MYL1: variants seen among roughly 807,000 people sequenced by gnomAD.
MYL1 encodes the protein myosin light chain 1/3, skeletal muscle isoform.
MYL1 carries 16 observed loss-of-function variants against 21.8 expected under a neutral mutation model. That is an observed-to-expected ratio of 0.74 (90% CI 0.50 to 1.12). MYL1 has a LOEUF of 1.12. Ranked by LOEUF, MYL1 falls within the 50% of genes most tolerant of loss-of-function variation. MYL1 has a pLI of 0.00. For synonymous variants in MYL1, 99 were observed against 85.2 expected (o/e 1.16, Z -0.89); for missense variants, 246 against 241.0 (o/e 1.02, Z -0.14).
rs36073440 is a variant in MYL1, at chr2:210,296,991, T to TTGTGTGTGTG, written c.304+1419_304+1428dup. Among the ~76,000 whole-genome samples the TTGTGTGTGTG allele has an allele frequency of 8.3e-4, 119 of 143,244 alleles. 1 individual carries two copies. In the East Asian group the frequency reaches 0.015, roughly 18 times the overall value. 94.0% of individuals were successfully genotyped at this position (143,244 alleles called of 152,430 possible). A position where few individuals can be genotyped will look rare whatever the true frequency, so the allele number is the denominator to read the frequency against. Reference sequence around the variant, plus strand: ...TTTTTTATGGTTAAATAGTATTCCATTGTGTGTGTGTGTGTGTGTGTGTGT... The same window carrying TTGTGTGTGTG: ...TTTTTTATGGTTAAATAGTATTCCATTGTGTGTGTGTGTGTGTGTGTGTGTGTGTGTGTGT... On this transcript the variant is annotated intron_variant, in intron 3 of 6. Coordinates refer to ENST00000352451, the MANE Select transcript of MYL1 (RefSeq NM_079420.3).
In MYL1 at chr2:210,298,565, T is replaced by G; in HGVS notation, c.161-2A>C. The G allele has an allele frequency of 6.2e-7, 1 of 1,613,876 alleles. No individual in the cohort carries two copies. The highest frequency in any genetic ancestry group is 1.1e-5 in the South Asian group (1 of 91,086). On this transcript the variant is annotated splice_acceptor_variant, in intron 2 of 6. Coordinates refer to ENST00000352451, the MANE Select transcript of MYL1 (RefSeq NM_079420.3). LOFTEE classifies it high-confidence loss of function. ...ACAGGAGAAATGCCTCCTTGAATTC[T>G]GCAAAAAGCAAGAAGCATTAGAGTG... is the stretch of plus-strand genomic sequence containing the variant.
intron 1 of MYL1, among the ~76,000 whole-genome samples, chr2:210,305,322 T>C (rs1177682917): frequency 6.6e-6 from 1 of 152,168 alleles, no homozygotes; most frequent in Non-Finnish European, 1.5e-5. Context: ...CGTAAATAGC[T>C]TGACATTTTG....
chr2:210,301,538 T>C (rs891832642), intron 2 of MYL1, among the ~76,000 whole-genome samples: 1 of 152,056 alleles, frequency 6.6e-6, no homozygotes, highest in South Asian at 2.1e-4. Context: ...AATATAGACA[T>C]ACTACTTATG....
chr2:210,306,720 CT>C (rs747993827), intron 1 of MYL1, among the ~76,000 whole-genome samples: 3,158 of 142,758 alleles, frequency 0.022, 86 homozygotes, highest in African/African-American at 0.066. Flanking sequence ...CTCTGGCACA[CT>C]TTTTTTTTTT....
Position 210,302,521 on chromosome 2 carries a change from A to T in MYL1, c.133-6T>A. 1 of 1,609,530 alleles carries T rather than the reference A, an allele frequency of 6.2e-7. No individual in the cohort carries two copies. The highest frequency in any genetic ancestry group is 8.5e-7 in the Non-Finnish European group (1 of 1,178,706). On this transcript the variant is annotated splice_region_variant and splice_polypyrimidine_tract_variant and intron_variant, in intron 1 of 6. Transcript: ENST00000352451. ...TGTTCCTTAGAGAACTCGATCTGTT[A>T]GAAAGAAATTGACCACAAAGAATGT... is the stretch of plus-strand genomic sequence containing the variant.
chr2:210,298,587 A>C (rs1373306733), intron 2 of MYL1, 24 bp from the exon 3 acceptor site: 3 of 1,613,358 alleles, frequency 1.9e-6, no homozygotes, highest in South Asian at 2.2e-5. Flanking sequence ...GAAGCATTAG[A>C]GTGCTCTTTT....
intron 3 of MYL1, among the ~76,000 whole-genome samples, chr2:210,296,450 C>T (rs888444771): frequency 1.3e-5 from 2 of 152,020 alleles, no homozygotes; most frequent in South Asian, 2.1e-4. Context: ...CTCCTCTCTT[C>T]GTTAAAGATA....
In MYL1 at chr2:210,293,715, G is replaced by T. The variant is rs1186240325; in HGVS notation, c.556+8C>A. The T allele has an allele frequency of 6.2e-7, 1 of 1,613,286 alleles. No individual in the cohort carries two copies. Reference sequence around the variant, plus strand: ...GTTGCTGTAACCACCAGTGAGCATTGATTCTACCTTCGTAGTTGATGCAGC... The same window carrying T: ...GTTGCTGTAACCACCAGTGAGCATTTATTCTACCTTCGTAGTTGATGCAGC... On this transcript the variant is annotated splice_region_variant and intron_variant, in intron 5 of 6. Transcript: ENST00000352451.
At chr2:210,298,687 T>G in intron 2 of MYL1, 124 bp from the exon 3 acceptor site, 1 of 1,021,824 alleles carries the variant, frequency 9.8e-7, no homozygotes, top group Non-Finnish European at 1.4e-6. Flanking sequence ...ATGCAAGTTG[T>G]TATCCTGGAT....
At chr2:210,302,609 A>C in intron 1 of MYL1, 94 bp from the exon 2 acceptor site, 1 of 1,517,068 alleles carries the variant, frequency 6.6e-7, no homozygotes, top group Middle Eastern at 1.7e-4. Flanking sequence ...AGTAATCTTC[A>C]AAGTAAGCTC....
At chr2:210,304,200 A>G (rs1446067936) in intron 1 of MYL1, among the ~76,000 whole-genome samples, 1 of 152,200 alleles carries the variant, frequency 6.6e-6, no homozygotes, top group Non-Finnish European at 1.5e-5. Flanking sequence ...TTTTGCAAGC[A>G]TAATCTAAGC....
chr2:210,303,454 C>A, intron 1 of MYL1: 1 of 1,272,914 alleles, frequency 7.9e-7, no homozygotes, highest in Non-Finnish European at 1.1e-6. Flanking sequence ...TCCTCAGTTC[C>A]ATTTTTGCCT....
chr2:210,306,069 A>T (rs1276306394), intron 1 of MYL1, among the ~76,000 whole-genome samples: 1 of 107,146 alleles, frequency 9.3e-6, no homozygotes, highest in Admixed American at 1.0e-4. Flanking sequence ...ACAAAAAAAA[A>T]ATAAATTAAA....
At chr2:210,300,154 C>A (rs1384004134) in intron 2 of MYL1, among the ~76,000 whole-genome samples, 2 of 152,080 alleles carry the variant, frequency 1.3e-5, no homozygotes, top group Non-Finnish European at 2.9e-5. Context: ...TGGCTTCAGG[C>A]TTTCATGGAC....
intron 1 of MYL1, among the ~76,000 whole-genome samples, chr2:210,304,133 G>A (rs1329511280): frequency 6.6e-6 from 1 of 152,158 alleles, no homozygotes; most frequent in Non-Finnish European, 1.5e-5. Flanking sequence ...ATGTTTCTTA[G>A]AGCGCACCCA....
chr2:210,300,811 C>G (rs1034974799), intron 2 of MYL1, among the ~76,000 whole-genome samples: 3 of 151,948 alleles, frequency 2.0e-5, no homozygotes, highest in Admixed American at 2.0e-4. Context: ...GTTTTTGCAC[C>G]CTTTCCTTCA....
In MYL1 at chr2:210,294,406, T is replaced by C; in HGVS notation, c.317A>G (p.Lys106Arg). The change falls in exon 4 of 7, where the codon AAG becomes AGG. Residue 106 changes from lysine (K) to arginine (R), a missense_variant. Transcript: ENST00000352451. ...GNPSNEELNA[K>R]KIEFEQFLPM... Reference sequence around the variant, plus strand: ...CAGAAATTGTTCAAACTCAATTTTCTTGGCATTCAGCTCTGTAAGAAATTG... The same window carrying C: ...CAGAAATTGTTCAAACTCAATTTTCCTGGCATTCAGCTCTGTAAGAAATTG... 3.7e-6 allele frequency: 6 copies of C among 1,613,864 alleles called. No individual in the cohort carries two copies. Among genetic ancestry groups the C allele is most frequent in the Non-Finnish European group, 5.1e-6 (6 of 1,179,824 alleles).
At chr2:210,293,659 A>G in intron 5 of MYL1, 64 bp downstream of exon 5, 1 of 1,357,132 alleles carries the variant, frequency 7.4e-7, no homozygotes, top group Non-Finnish European at 1.0e-6. Flanking sequence ...GAAGCTCAAA[A>G]GGAGCCCATC....
intron 1 of MYL1, among the ~76,000 whole-genome samples, chr2:210,313,216 T>C (rs1690442308): frequency 6.6e-6 from 1 of 151,964 alleles, no homozygotes; most frequent in African/African-American, 2.4e-5. Flanking sequence ...ATTTGCTTCT[T>C]AGGTAAAGAG....
Sources: gnomAD v4.1 joint callset for allele counts (sites outside exome capture counted in the v4.1 genomes callset) on GRCh38, gnomAD v4.1.1 for gene constraint, MANE v1.5 for transcripts, NCBI Gene and HGNC (gene_info 2026-07-23, HGNC 2026-07-21) for gene names.